ZNF649: variants seen among roughly 807,000 people sequenced by gnomAD.
The protein encoded by ZNF649 is zinc finger protein 649.
In ZNF649, 7 loss-of-function variants were observed where a neutral mutation model predicts 14.1. That is an observed-to-expected ratio of 0.49 (90% CI 0.28 to 0.93). The LOEUF is 0.93. ZNF649 is among the 40% of genes least tolerant of loss of function. The pLI, the probability that ZNF649 is intolerant of heterozygous loss-of-function variation, is 0.10. For synonymous variants in ZNF649, 227 were observed against 212.3 expected, an observed-to-expected ratio of 1.07 and a Z score of -0.60; for missense variants, 544 against 608.1, an observed-to-expected ratio of 0.89 and a Z score of 1.11.
chr19:51,896,288 G>A, intron 4 of ZNF649, 184 bp downstream of exon 4: 1 of 543,212 alleles, frequency 1.8e-6, no homozygotes, highest in Non-Finnish European at 3.3e-6. Context: ...TCCAAGAAGA[G>A]ATAAAGGGGT....
At position 51,905,011 on chromosome 19, in the gene ZNF649, C is replaced by T. The variant is rs970423551; in HGVS notation, c.-285G>A. ...TATGGCGGCGGACGAGGGCGCGAGTCAATTCTGCCGCGCTAGGACGATGGG... is the reference window on the plus strand; with the variant it reads ...TATGGCGGCGGACGAGGGCGCGAGTTAATTCTGCCGCGCTAGGACGATGGG... On this transcript the variant is annotated 5_prime_UTR_variant, in exon 1 of 5. Transcript: ENST00000354957. The T allele has an allele frequency of 6.6e-6, 1 of 152,226 alleles. No homozygotes were observed. The highest frequency in any genetic ancestry group is 6.5e-5 in the Admixed American group (1 of 15,278). The allele number at this position is 152,226 out of a possible 1,614,324, so 9.4% of individuals were successfully genotyped here. A position where few individuals can be genotyped will look rare whatever the true frequency, so the allele number is the denominator to read the frequency against.
chr19:51,895,720 TCTTA>T (rs1461168507), intron 4 of ZNF649, among the ~76,000 whole-genome samples: 1 of 151,750 alleles, frequency 6.6e-6, no homozygotes. Context: ...TCCCTCTCTC[TCTTA>T]TATAAATGTA....
chr19:51,892,520 CT>C (rs918278162), intron 4 of ZNF649, among the ~76,000 whole-genome samples: 2 of 151,482 alleles, frequency 1.3e-5, no homozygotes, highest in Admixed American at 6.6e-5. Flanking sequence ...TCTACAAAAA[CT>C]TTTTTTTTAA....
In ZNF649 at chr19:51,890,348, G is replaced by T; in HGVS notation, c.*270C>A. 2.7e-6 allele frequency: 1 copy of T among 368,302 alleles called. No homozygotes were observed. Among genetic ancestry groups the T allele is most frequent in the Non-Finnish European group, 4.9e-6 (1 of 205,542 alleles). 22.8% of individuals were successfully genotyped at this position (368,302 alleles called of 1,614,324 possible). On this transcript the variant is annotated 3_prime_UTR_variant, in exon 5 of 5. Coordinates refer to ENST00000354957, the MANE Select transcript of ZNF649 (RefSeq NM_023074.4). ...AGAACAAAAGCTAACCCCTACCTTG[G>T]CCCCCGGAGTAAGAGATATCATTCT...
At position 51,891,694 on chromosome 19, in the gene ZNF649, T is replaced by A; in HGVS notation, c.442A>T (p.Thr148Ser). 6.2e-7 allele frequency: 1 copy of A among 1,613,598 alleles called. No homozygotes were observed. The highest frequency in any genetic ancestry group is 8.5e-7 in the Non-Finnish European group (1 of 1,179,902). ...CTACTTTCAGGGAATTCAATTTCCG[T>A]AGGCATTTGTTCATGATTATCATGG... ...FLHDNHEQMP[T>S]EIEFPESRKP... Residue 148 changes from threonine to serine, a missense_variant, in exon 5 of 5, where the codon ACG becomes TCG. Physicochemically the swap from Thr to Ser is moderately conservative, Grantham distance 58. Coordinates refer to ENST00000354957, the MANE Select transcript of ZNF649 (RefSeq NM_023074.4). The surrounding 1 kb of genome is among the most constrained non-coding windows in gnomAD (Gnocchi z 4.2).
In ZNF649 at chr19:51,890,825, T is replaced by G. The variant is rs2085016618; in HGVS notation, c.1311A>C (p.Lys437Asn). 6.2e-7 allele frequency: 1 copy of G among 1,614,136 alleles called. No homozygotes were observed. The highest frequency in any genetic ancestry group is 2.2e-5 in the East Asian group (1 of 44,902). Residue 437 changes from lysine (K) to asparagine (N), a missense_variant, in exon 5 of 5, where the codon AAA becomes AAC. By Grantham distance (94) the Lys-to-Asn change is moderately conservative. Transcript: ENST00000354957. Reference sequence around the variant, plus strand: ...CAAGGCAAGACATATAGAAGTAAGCTTTCTCACACTCATCACAGCCATAGG... The same window carrying G: ...CAAGGCAAGACATATAGAAGTAAGCGTTCTCACACTCATCACAGCCATAGG... ...ERPYGCDECE[K>N]AYFYMSCLVK...
Position 51,891,176 on chromosome 19 carries a change from G to A in ZNF649, c.960C>T (p.Cys320=). The change falls in exon 5 of 5, where the codon TGC becomes TGT. Residue 320 remains cysteine (C), a synonymous_variant. Coordinates refer to ENST00000354957, the MANE Select transcript of ZNF649 (RefSeq NM_023074.4). The surrounding 1 kb of genome is among the most constrained non-coding windows in gnomAD (Gnocchi z 4.2). The part of the protein sequence containing the change: ...RTHTGEKPHT[C]SECGKGFIQK... The stretch of plus-strand genomic sequence containing the variant: ...GAATGAAGCCTTTTCCACATTCACT[G>A]CATGTATGAGGCTTCTCTCCTGTAT... The A allele has an allele frequency of 6.2e-7, 1 of 1,614,226 alleles. No homozygotes were observed. Among genetic ancestry groups the A allele is most frequent in the Middle Eastern group, 1.6e-4 (1 of 6,062 alleles).
chr19:51,895,341 TTTCG>T (rs955913014), intron 4 of ZNF649, among the ~76,000 whole-genome samples: 3 of 152,120 alleles, frequency 2.0e-5, no homozygotes, highest in African/African-American at 7.2e-5. Flanking sequence ...TTTTTTTGTT[TTTCG>T]TTTCTTTTTG....
In ZNF649 at chr19:51,891,212, A is replaced by G; in HGVS notation, c.924T>C (p.His308=). Residue 308 remains histidine, a synonymous_variant, in exon 5 of 5, where the codon CAT becomes CAC. Transcript: ENST00000354957. The surrounding 1 kb of genome is among the most constrained non-coding windows in gnomAD (Gnocchi z 4.2). ...GCTTCTCTCCTGTATGAGTTCGCTG[A>G]TGTACAACGAGTAGTGATTTTCTGG... ...AFSRKSLLVV[H]QRTHTGEKPH... is the part of the protein sequence containing the mutation. 1 of 1,614,206 alleles carries G rather than the reference A, an allele frequency of 6.2e-7. No homozygotes were observed. The highest frequency in any genetic ancestry group is 8.5e-7 in the Non-Finnish European group (1 of 1,180,038).
intron 1 of ZNF649, among the ~76,000 whole-genome samples, chr19:51,903,439 GCACTGTTTA>G (rs1404134282): frequency 6.6e-6 from 1 of 152,158 alleles, no homozygotes; most frequent in East Asian, 1.9e-4. Flanking sequence ...ACACAAAAAG[GCACTGTTTA>G]CTGAAGAGGT....
chr19:51,891,350 G>A lies in ZNF649; in HGVS notation c.786C>T (p.Tyr262=), dbSNP rs750699673. 2.4e-5 allele frequency: 39 copies of A among 1,614,028 alleles called. No individual in the cohort carries two copies. Among genetic ancestry groups the A allele is most frequent in the East Asian group, 8.9e-5 (4 of 44,886 alleles). Residue 262 remains tyrosine, a synonymous_variant, in exon 5 of 5, where the codon TAC becomes TAT. Transcript: ENST00000354957. The surrounding 1 kb of genome is among the most constrained non-coding windows in gnomAD (Gnocchi z 4.2). ...AGGCTTTCCCACATTCACTGCACCCGTATGGTTTCTCTCCTTTGTGAGCTC... is the reference window on the plus strand; with the variant it reads ...AGGCTTTCCCACATTCACTGCACCCATATGGTTTCTCTCCTTTGTGAGCTC... ...HERAHKGEKP[Y]GCSECGKAFP...
rs2085016227 is a variant in ZNF649, at chr19:51,890,786, T to C, written c.1350A>G (p.Arg450=). The C allele has an allele frequency of 1.2e-6, 2 of 1,614,114 alleles. No individual in the cohort carries two copies. Among genetic ancestry groups the C allele is most frequent in the Non-Finnish European group, 1.7e-6 (2 of 1,180,048 alleles). ...FYMSCLVKHK[R]IHSREKRGDS... is the part of the protein sequence containing the mutation. Reference sequence around the variant, plus strand: ...CCCCCCGTTTCTCCCTTGAGTGTATTCTCTTATGTTTAACAAGGCAAGACA... The same window carrying C: ...CCCCCCGTTTCTCCCTTGAGTGTATCCTCTTATGTTTAACAAGGCAAGACA... The change falls in exon 5 of 5, where the codon AGA becomes AGG. Residue 450 remains arginine, a synonymous_variant. Coordinates refer to ENST00000354957, the MANE Select transcript of ZNF649 (RefSeq NM_023074.4).
In ZNF649 at chr19:51,891,707, A is replaced by G. The variant is rs139654377; in HGVS notation, c.429T>C (p.His143=). 7.4e-6 allele frequency: 12 copies of G among 1,613,600 alleles called. No homozygotes were observed. In the African/African-American group the frequency reaches 1.5e-4, roughly 20 times the overall value. Residue 143 remains histidine (H), a synonymous_variant, in exon 5 of 5, where the codon CAT becomes CAC. Coordinates refer to ENST00000354957, the MANE Select transcript of ZNF649 (RefSeq NM_023074.4). This position sits in a 1 kb window ranked among gnomAD's most constrained non-coding sequence, Gnocchi z 4.2. ...NGDGAFLHDN[H]EQMPTEIEFP... ...ATTCAATTTCCGTAGGCATTTGTTC[A>G]TGATTATCATGGAGAAAAGCTCCAT... is the stretch of plus-strand genomic sequence containing the variant.
intron 4 of ZNF649, among the ~76,000 whole-genome samples, chr19:51,893,455 G>A (rs2085037946): frequency 6.6e-6 from 1 of 151,852 alleles, no homozygotes; most frequent in African/African-American, 2.4e-5. Flanking sequence ...ACTCAGATCT[G>A]CGAATCATCT....
chr19:51,904,942 C>T lies in ZNF649; in HGVS notation c.-216G>A, dbSNP rs2085115098. Reference sequence around the variant, plus strand: ...ATTTTCTTCTGGCTACACCTAAATTCCCTGAATGCTTCCTTTCCTGGCCCT... The same window carrying T: ...ATTTTCTTCTGGCTACACCTAAATTTCCTGAATGCTTCCTTTCCTGGCCCT... On this transcript the variant is annotated 5_prime_UTR_variant, in exon 1 of 5. Coordinates refer to ENST00000354957, the MANE Select transcript of ZNF649 (RefSeq NM_023074.4). The T allele has an allele frequency of 3.9e-5, 6 of 152,346 alleles. No individual in the cohort carries two copies. Among genetic ancestry groups the T allele is most frequent in the Admixed American group, 3.9e-4 (6 of 15,288 alleles). The allele number at this position is 152,346 out of a possible 1,614,324, so 9.4% of individuals were successfully genotyped here.
intron 4 of ZNF649, among the ~76,000 whole-genome samples, chr19:51,895,500 C>A (rs1332201112): frequency 6.6e-6 from 1 of 151,982 alleles, no homozygotes. Flanking sequence ...CATGTCACCA[C>A]GCCCGGCTAA....
chr19:51,897,198 G>GC, intron 2 of ZNF649: 2 of 529,438 alleles, frequency 3.8e-6, no homozygotes, highest in Non-Finnish European at 6.6e-6. Context: ...CTGTATAAGC[G>GC]AGTTTCACAT....
chr19:51,898,107 A>C (rs2085074164), intron 2 of ZNF649, among the ~76,000 whole-genome samples: 1 of 151,804 alleles, frequency 6.6e-6, no homozygotes, highest in Non-Finnish European at 1.5e-5. Flanking sequence ...AAAAAAAAAA[A>C]AAAAAAAACT....
At chr19:51,898,959 A>C (rs1311129436) in intron 2 of ZNF649, among the ~76,000 whole-genome samples, 1 of 152,112 alleles carries the variant, frequency 6.6e-6, no homozygotes, top group African/African-American at 2.4e-5. Context: ...CATTGGTCAC[A>C]GAATCTGGAG....
Sources: allele counts gnomAD v4.1 joint callset (sites outside exome capture counted in the v4.1 genomes callset), GRCh38; gene constraint gnomAD v4.1.1; non-coding constraint Gnocchi (gnomAD v3.1); transcripts MANE v1.5; gene names NCBI Gene and HGNC (gene_info 2026-07-23, HGNC 2026-07-21).